NKIRAS1: variants seen among roughly 807,000 people sequenced by gnomAD.
The protein encoded by NKIRAS1 is NFKB inhibitor interacting Ras like 1, also known as NF-kappa-B inhibitor-interacting Ras-like protein 1.
NKIRAS1 carries 16 observed loss-of-function variants against 19.8 expected under a neutral mutation model. That is an observed-to-expected ratio of 0.81 (90% CI 0.55 to 1.23). NKIRAS1 has a LOEUF of 1.23. Among genes scored for constraint, NKIRAS1 ranks in the 50% most tolerant of loss-of-function variants. The pLI is 0.00. For missense variants in NKIRAS1, 184 were observed against 220.0 expected (o/e 0.84, Z 1.04); for synonymous variants, 88 against 79.0 (o/e 1.11, Z -0.61).
chr3:23,910,120 G>A (rs1341868070), intron 3 of NKIRAS1, among the ~76,000 whole-genome samples: 1 of 148,048 alleles, frequency 6.8e-6, no homozygotes, highest in Non-Finnish European at 1.5e-5. Flanking sequence ...GCCTCCCAAA[G>A]CGTTTGGATT....
chr3:23,898,442 AT>A (rs749239072), intron 4 of NKIRAS1, among the ~76,000 whole-genome samples: 2,233 of 139,568 alleles, frequency 0.016, 43 homozygotes, highest in African/African-American at 0.046. Context: ...ATATTGTATG[AT>A]TTTTTTTTTT....
chr3:23,940,807 C>T (rs991011555), intron 1 of NKIRAS1, among the ~76,000 whole-genome samples: 4 of 151,940 alleles, frequency 2.6e-5, no homozygotes, highest in African/African-American at 4.8e-5. Context: ...ATGAATGGAA[C>T]GGTAAAGAAA....
upstream of NKIRAS1, chr3:23,920,610 T>C: frequency 1.1e-5 from 11 of 985,168 alleles, no homozygotes; most frequent in African/African-American, 1.7e-5. Flanking sequence ...TGCCCAATTT[T>C]AAATTCTGAC....
intron 4 of NKIRAS1, among the ~76,000 whole-genome samples, chr3:23,898,153 G>A (rs1702165934): frequency 1.3e-5 from 2 of 152,142 alleles, no homozygotes; most frequent in African/African-American, 2.4e-5. Context: ...GCCTGTTTCG[G>A]TGGGAAAGAT....
chr3:23,930,762 A>C (rs1045765422), intron 1 of NKIRAS1, among the ~76,000 whole-genome samples: 1 of 152,146 alleles, frequency 6.6e-6, no homozygotes, highest in Non-Finnish European at 1.5e-5. Flanking sequence ...TTGTGCAGTG[A>C]CACAATCATG....
chr3:23,921,546 TCA>T, upstream of NKIRAS1: 3 of 681,316 alleles, frequency 4.4e-6, no homozygotes, highest in Non-Finnish European at 7.9e-6. Context: ...GGCATGTAAT[TCA>T]CACAGCAACA....
At position 23,898,892 on chromosome 3, in the gene NKIRAS1, G is replaced by T. The variant is rs144195330; in HGVS notation, c.336+1916C>A. Among the ~76,000 whole-genome samples, 353 of 152,322 alleles carry T rather than the reference G, an allele frequency of 2.3e-3. 1 individual carries two copies. The highest frequency in any genetic ancestry group is 4.2e-3 in the Non-Finnish European group (283 of 68,038). ...CTGAGCTCCGCCTCCTGTCACATCAGTGGCATGAGGTTCTCACAGGAGCTG... is the reference window on the plus strand; with the variant it reads ...CTGAGCTCCGCCTCCTGTCACATCATTGGCATGAGGTTCTCACAGGAGCTG... On this transcript the variant is annotated intron_variant, in intron 4 of 4. Coordinates refer to ENST00000425478, the MANE Select transcript of NKIRAS1 (RefSeq NM_020345.4).
chr3:23,890,019 G>C lies in NKIRAS1; in HGVS notation c.*3076C>G, dbSNP rs980821818. On this transcript the variant is annotated 3_prime_UTR_variant, in exon 5 of 5. Transcript: ENST00000425478. ...TTCAGAGAAATACTATACTTAATTG[G>C]AGGTCCAGGTTTTGCCTGGCAACCT... 6.6e-6 allele frequency among the ~76,000 whole-genome samples: 1 copy of C among 151,980 alleles called. No individual in the cohort carries two copies. The highest frequency in any genetic ancestry group is 1.5e-5 in the Non-Finnish European group (1 of 68,002).
upstream of NKIRAS1, chr3:23,919,431 A>G (rs1456954396): frequency 1.9e-6 from 3 of 1,604,956 alleles, no homozygotes; most frequent in African/African-American, 2.7e-5. Context: ...AAGTTCCACC[A>G]CACTATTGGT....
intron 1 of NKIRAS1, chr3:23,945,574 G>A (rs766774339): frequency 2.6e-6 from 3 of 1,167,166 alleles, no homozygotes; most frequent in Non-Finnish European, 3.2e-6. Context: ...CTCCGCGAGG[G>A]CACCATGGAG....
upstream of NKIRAS1, chr3:23,919,092 G>T (rs1466082030): frequency 4.0e-6 from 3 of 752,304 alleles, no homozygotes; most frequent in Non-Finnish European, 6.8e-6. Flanking sequence ...AGTAGTAAAA[G>T]ACTCTTGTCT....
intron 1 of NKIRAS1, among the ~76,000 whole-genome samples, chr3:23,936,870 A>C (rs1705404505): frequency 1.3e-5 from 2 of 152,188 alleles, no homozygotes; most frequent in Admixed American, 6.5e-5. Context: ...TTGCATTTCT[A>C]ACAAGTTTTC....
At chr3:23,946,037 G>C (rs1441614987) in intron 1 of NKIRAS1, 1 of 919,442 alleles carries the variant, frequency 1.1e-6, no homozygotes, top group East Asian at 1.2e-4. Context: ...GGGGGCGCGC[G>C]CGCGCGCGCT....
intron 1 of NKIRAS1, among the ~76,000 whole-genome samples, chr3:23,915,378 CT>C (rs1704243904): frequency 1.3e-5 from 2 of 152,110 alleles, no homozygotes; most frequent in African/African-American, 2.4e-5. Flanking sequence ...TTGGTTTTAG[CT>C]TGGTGATATT....
At chr3:23,918,741 C>A, upstream of NKIRAS1, 1 of 818,818 alleles carries the variant, frequency 1.2e-6, no homozygotes, top group Non-Finnish European at 1.9e-6. Context: ...AAAGACTTGT[C>A]TTTGTTACAA....
At chr3:23,942,206 T>C (rs1705512993) in intron 1 of NKIRAS1, among the ~76,000 whole-genome samples, 1 of 152,104 alleles carries the variant, frequency 6.6e-6, no homozygotes, top group Non-Finnish European at 1.5e-5. Flanking sequence ...CTTGAACTCC[T>C]GGCCTCAAGA....
rs529517249 is a variant in NKIRAS1, at chr3:23,892,657, A to T, written c.*438T>A. ...ATTTAGACACAAAAAAATGTTTTATAATCCTAGACATTAGATTAATGAACT... is the reference window on the plus strand; with the variant it reads ...ATTTAGACACAAAAAAATGTTTTATTATCCTAGACATTAGATTAATGAACT... On this transcript the variant is annotated 3_prime_UTR_variant, in exon 5 of 5. Transcript: ENST00000425478. The T allele has an allele frequency of 2.6e-5, 4 of 152,650 alleles. No individual in the cohort carries two copies. The highest frequency in any genetic ancestry group is 9.6e-5 in the African/African-American group (4 of 41,598). The allele number at this position is 152,650 out of a possible 1,614,324, so 9.5% of individuals were successfully genotyped here. A position where few individuals can be genotyped will look rare whatever the true frequency, so the allele number is the denominator to read the frequency against.
chr3:23,900,780 A>T (rs759749037), intron 4 of NKIRAS1, 28 bp downstream of exon 4: 30 of 1,588,128 alleles, frequency 1.9e-5, no homozygotes, highest in Non-Finnish European at 2.6e-6. Flanking sequence ...TATAATTCAC[A>T]TTTGGCATTT....
chr3:23,919,949 A>G, upstream of NKIRAS1: 1 of 989,086 alleles, frequency 1.0e-6, no homozygotes, highest in Non-Finnish European at 1.2e-6. Context: ...AATCTGGGTT[A>G]GCCTGAAGAA....
Sources: gnomAD v4.1 joint callset for allele counts (sites outside exome capture counted in the v4.1 genomes callset) on GRCh38, gnomAD v4.1.1 for gene constraint, MANE v1.5 for transcripts, NCBI Gene and HGNC (gene_info 2026-07-23, HGNC 2026-07-21) for gene names.